The following ZNF778 variants were observed in gnomAD, a reference collection of about 807,000 sequenced individuals.
The protein encoded by ZNF778 is zinc finger protein 778.
A neutral mutation model predicts 23.9 loss-of-function variants in ZNF778; 37 were observed. That is an observed-to-expected ratio of 1.54 (90% CI 1.19 to 2.03). The LOEUF (loss-of-function observed/expected upper bound fraction) is 2.03, where lower values mean the gene tolerates loss of function less well. Ranked by LOEUF, ZNF778 falls within the 30% of genes most tolerant of loss-of-function variation. The pLI, the probability that ZNF778 is intolerant of heterozygous loss-of-function variation, is 0.00. For synonymous variants in ZNF778, 483 were observed against 343.9 expected, an observed-to-expected ratio of 1.40 and a Z score of -4.48; for missense variants, 1,297 against 934.4, an observed-to-expected ratio of 1.39 and a Z score of -5.06.
chr16:89,221,473 A>C (rs1480368880), intron 2 of ZNF778, among the ~76,000 whole-genome samples: 1 of 152,068 alleles, frequency 6.6e-6, no homozygotes, highest in Non-Finnish European at 1.5e-5. Context: ...ATTTTGTGTC[A>C]CCAGGCGAAA....
Position 89,217,761 on chromosome 16 carries a change from G to C in ZNF778, c.-281G>C, listed in dbSNP as rs1439483984. ...GCGTGCTGGCGCCGGAGAGTTCCGC[G>C]CGTGTCCTCGGGCTGTCCGCGGGGA... On this transcript the variant is annotated 5_prime_UTR_variant, in exon 1 of 7. Transcript: ENST00000433976. 1 of 152,224 alleles carries C rather than the reference G, an allele frequency of 6.6e-6. No homozygotes were observed. The highest frequency in any genetic ancestry group is 1.5e-5 in the Non-Finnish European group (1 of 68,040). 9.4% of individuals were successfully genotyped at this position (152,224 alleles called of 1,614,324 possible).
Position 89,227,547 on chromosome 16 carries a change from C to T in ZNF778, c.1259C>T (p.Pro420Leu), listed in dbSNP as rs185544350. ...GTTCGAATTCACACTGGAATAAAAC[C>T]CTATACATGCAGCTACTGTGGGAAG... ...NHVRIHTGIKPYTCSYCGKAF... is the reference protein window; with the variant it reads ...NHVRIHTGIKLYTCSYCGKAF... The change falls in exon 7 of 7, where the codon CCC (proline) becomes CTC (leucine). Residue 420 changes from proline to leucine, a missense_variant. By Grantham distance (98) the Pro-to-Leu change is moderately conservative. Coordinates refer to ENST00000433976, the MANE Select transcript of ZNF778 (RefSeq NM_001201407.2). 7 of 1,613,980 alleles carry T rather than the reference C, an allele frequency of 4.3e-6. No individual in the cohort carries two copies. The highest frequency in any genetic ancestry group is 1.1e-5 in the South Asian group (1 of 91,084).
In ZNF778 at chr16:89,227,211, C is replaced by G. The variant is rs1379585708; in HGVS notation, c.923C>G (p.Pro308Arg). The G allele has an allele frequency of 4.3e-6, 7 of 1,613,250 alleles. No individual in the cohort carries two copies. The highest frequency in any genetic ancestry group is 5.9e-6 in the Non-Finnish European group (7 of 1,179,290). The change falls in exon 7 of 7, where the codon CCC becomes CGC. Residue 308 changes from proline to arginine, a missense_variant. Coordinates refer to ENST00000433976, the MANE Select transcript of ZNF778 (RefSeq NM_001201407.2). Reference sequence around the variant, plus strand: ...GTGCAAGTCCACCCTGGGGAAAAGCCCTGTGAATTGGAAGAATGTGGAAAA... The same window carrying G: ...GTGCAAGTCCACCCTGGGGAAAAGCGCTGTGAATTGGAAGAATGTGGAAAA... ...GRVQVHPGEK[P>R]CELEECGKAS... is the part of the protein sequence containing the mutation.
chr16:89,230,138 C>A lies in ZNF778; in HGVS notation c.*1576C>A. On this transcript the variant is annotated 3_prime_UTR_variant, in exon 7 of 7. Coordinates refer to ENST00000433976, the MANE Select transcript of ZNF778 (RefSeq NM_001201407.2). ...CACTGGCCAATGTTGGGGCATAACA[C>A]AGCTCTACATTTTATGAAAATGCCC... 6.0e-6 allele frequency: 4 copies of A among 670,410 alleles called. No individual in the cohort carries two copies. Among genetic ancestry groups the A allele is most frequent in the Non-Finnish European group, 7.4e-6 (4 of 543,510 alleles). 41.5% of individuals were successfully genotyped at this position (670,410 alleles called of 1,614,324 possible).
chr16:89,225,747 G>A (rs1301138480), intron 6 of ZNF778, 116 bp downstream of exon 6: 4 of 958,952 alleles, frequency 4.2e-6, no homozygotes, highest in African/African-American at 1.7e-5. Context: ...ACTCAGGCAG[G>A]GGTTGTCTGT....
intron 2 of ZNF778, 94 bp downstream of exon 2, chr16:89,221,246 C>G: frequency 7.1e-7 from 1 of 1,399,796 alleles, no homozygotes. Flanking sequence ...TGAGTAGTCA[C>G]GCTCCGGGTT....
chr16:89,227,379 C>G lies in ZNF778; in HGVS notation c.1091C>G (p.Pro364Arg). The change falls in exon 7 of 7, where the codon CCC becomes CGC. Residue 364 changes from proline to arginine, a missense_variant. By Grantham distance (103) the Pro-to-Arg change is moderately radical. Coordinates refer to ENST00000433976, the MANE Select transcript of ZNF778 (RefSeq NM_001201407.2). ...KHVQTDPGQK[P>R]YECKDCGKAC... ...GTCCAAACAGACCCTGGACAGAAGC[C>G]CTATGAATGTAAGGACTGTGGGAAA... The G allele has an allele frequency of 6.2e-7, 1 of 1,613,930 alleles. No individual in the cohort carries two copies. The highest frequency in any genetic ancestry group is 1.1e-5 in the South Asian group (1 of 91,080).
rs775736439 is a variant in ZNF778, at chr16:89,227,084, A to G, written c.796A>G (p.Met266Val). 9.4e-5 allele frequency: 151 copies of G among 1,614,004 alleles called. 2 individuals are homozygous for G. In the East Asian group the frequency reaches 3.3e-3, roughly 35 times the overall value. The change falls in exon 7 of 7, where the codon ATG becomes GTG. Residue 266 changes from methionine to valine, a missense_variant. By Grantham distance (21) the Met-to-Val change is conservative. Transcript: ENST00000433976. ...KPCGKALTHSMGCATPVEMHA... is the reference protein window; with the variant it reads ...KPCGKALTHSVGCATPVEMHA... The stretch of plus-strand genomic sequence containing the variant: ...GTGTGGGAAAGCTCTAACTCACTCC[A>G]TGGGCTGCGCCACACCTGTTGAAAT...
rs1346760616 is a variant in ZNF778 at position 89,233,903 on chromosome 16, A to G, written c.*5341A>G. 5.4e-6 allele frequency: 7 copies of G among 1,289,554 alleles called. No homozygotes were observed. In the Admixed American group the frequency reaches 1.4e-4, roughly 25 times the overall value. The allele number at this position is 1,289,554 out of a possible 1,614,324, so 79.9% of individuals were successfully genotyped here. The stretch of plus-strand genomic sequence containing the variant: ...TATTTCTCCTCCCTGAAGTCAGCCC[A>G]GGATGAGGCACTAGACAGCAGGACA... On this transcript the variant is annotated 3_prime_UTR_variant, in exon 7 of 7. Coordinates refer to ENST00000433976, the MANE Select transcript of ZNF778 (RefSeq NM_001201407.2).
chr16:89,222,875 G>A (rs1465694184), intron 3 of ZNF778, among the ~76,000 whole-genome samples: 4 of 150,758 alleles, frequency 2.7e-5, no homozygotes, highest in Admixed American at 6.7e-5. Flanking sequence ...CATGTTAGAG[G>A]TGTCGTTGCG....
At position 89,235,216 on chromosome 16, in the gene ZNF778, C is replaced by T. The variant is rs139905355; in HGVS notation, c.*6654C>T. 46 of 152,106 alleles carry T rather than the reference C, an allele frequency of 3.0e-4. No homozygotes were observed. The highest frequency in any genetic ancestry group is 1.1e-3 in the African/African-American group (44 of 41,494). 9.4% of individuals were successfully genotyped at this position (152,106 alleles called of 1,614,324 possible). Reference sequence around the variant, plus strand: ...CACAATTCTGAAGGCCTGGAGGGTCCCAGAAGCTTGGCACCAGCACCCACT... The same window carrying T: ...CACAATTCTGAAGGCCTGGAGGGTCTCAGAAGCTTGGCACCAGCACCCACT... On this transcript the variant is annotated 3_prime_UTR_variant, in exon 7 of 7. Transcript: ENST00000433976.
rs564617727 is a variant in ZNF778, at chr16:89,236,035, G to A, written c.*7473G>A. 1.3e-5 allele frequency: 2 copies of A among 151,948 alleles called. No individual in the cohort carries two copies. Among genetic ancestry groups the A allele is most frequent in the African/African-American group, 2.4e-5 (1 of 41,394 alleles). The allele number at this position is 151,948 out of a possible 1,614,324, so 9.4% of individuals were successfully genotyped here. A position where few individuals can be genotyped will look rare whatever the true frequency, so the allele number is the denominator to read the frequency against. ...AAAGAAAAATACAAAAATTTAGTTG[G>A]GCGTGGTGGCGGGCGACTGCAGTCC... On this transcript the variant is annotated 3_prime_UTR_variant, in exon 7 of 7. Coordinates refer to ENST00000433976, the MANE Select transcript of ZNF778 (RefSeq NM_001201407.2).
chr16:89,223,275 C>T lies in ZNF778; in HGVS notation c.236C>T (p.Ala79Val). 2 of 1,613,848 alleles carry T rather than the reference C, an allele frequency of 1.2e-6. No homozygotes were observed. The highest frequency in any genetic ancestry group is 1.7e-5 in the Admixed American group (1 of 59,934). ...ATGCTGGAAAACTACGAGAACCTGG[C>T]CTCAGTAGGTGAGGCTGCCACCGTC... is the stretch of plus-strand genomic sequence containing the variant. ...DVMLENYENLASVGHHLFQPS... is the reference protein window; with the variant it reads ...DVMLENYENLVSVGHHLFQPS... The change falls in exon 4 of 7, where the codon GCC becomes GTC. Residue 79 changes from alanine (A) to valine (V), a missense_variant. Physicochemically the swap from Ala to Val is moderately conservative, Grantham distance 64. Coordinates refer to ENST00000433976, the MANE Select transcript of ZNF778 (RefSeq NM_001201407.2).
rs1453844848 is a variant in ZNF778 at position 89,236,007 on chromosome 16, AAAAAAG to A, written c.*7451_*7456del. 4.0e-5 allele frequency: 6 copies of A among 151,644 alleles called. No homozygotes were observed. Among genetic ancestry groups the A allele is most frequent in the Admixed American group, 3.9e-4 (6 of 15,220 alleles). 9.4% of individuals were successfully genotyped at this position (151,644 alleles called of 1,614,324 possible). A position where few individuals can be genotyped will look rare whatever the true frequency, so the allele number is the denominator to read the frequency against. On this transcript the variant is annotated 3_prime_UTR_variant, in exon 7 of 7. Transcript: ENST00000433976. ...CCTCGTCTCTAGTAAAAAAAAAAAA[AAAAAAG>A]AAAAATACAAAAATTTAGTTGGGCG...
In ZNF778 at chr16:89,229,316, A is replaced by T; in HGVS notation, c.*754A>T. 1.0e-6 allele frequency: 1 copy of T among 978,818 alleles called. No homozygotes were observed. The allele number at this position is 978,818 out of a possible 1,614,324, so 60.6% of individuals were successfully genotyped here. Reference sequence around the variant, plus strand: ...CCAGATGTGATTCTGTGAGCAGTGTAAGCTCTGGTTGGTTAGTCTTCAGGA... The same window carrying T: ...CCAGATGTGATTCTGTGAGCAGTGTTAGCTCTGGTTGGTTAGTCTTCAGGA... On this transcript the variant is annotated 3_prime_UTR_variant, in exon 7 of 7. Transcript: ENST00000433976.
chr16:89,229,016 T>A lies in ZNF778; in HGVS notation c.*454T>A. On this transcript the variant is annotated 3_prime_UTR_variant, in exon 7 of 7. Transcript: ENST00000433976. ...CGCTTCCCTGTGTTCTAAAACCTTG[T>A]GGGCTAACTTGAGACATGTCTTTCT... 1 of 992,670 alleles carries A rather than the reference T, an allele frequency of 1.0e-6. No homozygotes were observed. The highest frequency in any genetic ancestry group is 1.2e-6 in the Non-Finnish European group (1 of 834,714). 61.5% of individuals were successfully genotyped at this position (992,670 alleles called of 1,614,324 possible). A position where few individuals can be genotyped will look rare whatever the true frequency, so the allele number is the denominator to read the frequency against.
In ZNF778 at chr16:89,223,358, T is replaced by C. The variant is rs2031156397; in HGVS notation, c.244+75T>C. The C allele has an allele frequency of 3.1e-6, 5 of 1,594,810 alleles. No homozygotes were observed. In the African/African-American group the frequency reaches 4.1e-5, roughly 13 times the overall value. On this transcript the variant is annotated intron_variant, in intron 4 of 6. Transcript: ENST00000433976. ...TGTCCTTACTGTGTTCCAGGGTTGG[T>C]GACGGCAAAGCCGAGTACCACGGGA...
chr16:89,225,111 G>GTT (rs540637883), intron 5 of ZNF778, among the ~76,000 whole-genome samples: 2 of 33,898 alleles, frequency 5.9e-5, no homozygotes, highest in African/African-American at 2.1e-4. Flanking sequence ...CAGTTTGTGG[G>GTT]TTTTTTTTTT....
chr16:89,220,079 G>A lies in ZNF778; in HGVS notation c.-131-918G>A, dbSNP rs1319321821. On this transcript the variant is annotated intron_variant, in intron 1 of 6. Transcript: ENST00000433976. ...GCAGTCTGAGGGTCAGGTCCTCTGG[G>A]GATGATGTTAAGGTGGAGAACTGAA... 3.3e-5 allele frequency among the ~76,000 whole-genome samples: 5 copies of A among 152,202 alleles called. No homozygotes were observed. In the East Asian group the frequency reaches 7.7e-4, roughly 23 times the overall value.
Sources: gnomAD v4.1 joint callset for allele counts (sites outside exome capture counted in the v4.1 genomes callset) on GRCh38, gnomAD v4.1.1 for gene constraint, MANE v1.5 for transcripts, NCBI Gene and HGNC (gene_info 2026-07-23, HGNC 2026-07-21) for gene names.